The following SYTL2 variants were observed in gnomAD, a reference collection of about 807,000 sequenced individuals.
The protein encoded by SYTL2 is synaptotagmin-like protein 2.
A neutral mutation model predicts 198.7 loss-of-function variants in SYTL2; 165 were observed. The ratio of observed to expected loss-of-function variants is 0.83; its 90% confidence interval spans 0.73 to 0.94. The LOEUF (loss-of-function observed/expected upper bound fraction) is 0.94, where lower values mean the gene tolerates loss of function less well. Among genes scored for constraint, SYTL2 ranks in the 40% least tolerant of loss-of-function variants. SYTL2 has a pLI of 0.00. For synonymous variants in SYTL2, 966 were observed against 917.7 expected (o/e 1.05, Z -0.95); for missense variants, 2,835 against 2,582.8 (o/e 1.10, Z -2.12).
intron 5 of SYTL2, 89 bp from the exon 6 acceptor site, chr11:85,736,704 A>G (rs1446089020): frequency 4.2e-6 from 3 of 715,536 alleles, no homozygotes; most frequent in East Asian, 5.3e-5. Context: ...CAATTTTGAT[A>G]GTTTTATCCC....
Position 85,745,826 on chromosome 11 carries a change from C to G in SYTL2, c.254-54G>C. 5 of 1,556,568 alleles carry G rather than the reference C, an allele frequency of 3.2e-6. No homozygotes were observed. The Admixed American group carries it at 8.5e-5, about 26-fold the overall frequency. ...GGTTATCTCTCACCTCCATGACCTA[C>G]AACTCTCTTATCAGCTCTTATCACT... On this transcript the variant is annotated intron_variant, in intron 3 of 19. Coordinates refer to ENST00000359152, the MANE Select transcript of SYTL2 (RefSeq NM_206927.4).
chr11:85,808,878 T>C (rs1457451074), intron 1 of SYTL2, among the ~76,000 whole-genome samples: 1 of 83,010 alleles, frequency 1.2e-5, no homozygotes, highest in Non-Finnish European at 2.5e-5. Context: ...TAAGTTTTCC[T>C]CTTAATTTAA....
Position 85,734,740 on chromosome 11 carries a change from C to T in SYTL2, c.589G>A (p.Glu197Lys). Residue 197 changes from glutamate (E) to lysine (K), a missense_variant and splice_region_variant, in exon 7 of 20, where the codon GAA (glutamate) becomes AAA (lysine). Around this residue, in one of 3 missense-constraint regions of SYTL2, gnomAD observed 2,645 missense variants for 2,381.7 expected, o/e 1.11. Transcript: ENST00000359152. The part of the protein sequence containing the change: ...TGLFQTSKED[E>K]LSESKEKSTV... ...GACTTTTCTTTTGACTCTGACAATTCATCTGAAAATTAAAACACAGTAGGT... is the reference window on the plus strand; with the variant it reads ...GACTTTTCTTTTGACTCTGACAATTTATCTGAAAATTAAAACACAGTAGGT... The T allele has an allele frequency of 6.2e-7, 1 of 1,608,300 alleles. No individual in the cohort carries two copies.
chr11:85,834,123 A>C, the SYTL2 span, among the ~76,000 whole-genome samples: 1 of 152,282 alleles, frequency 6.6e-6, no homozygotes, highest in South Asian at 2.1e-4. Context: ...ACCATGCACA[A>C]GAGTTCACAG....
At chr11:85,853,175 T>C in the SYTL2 span, 5 of 377,792 alleles carry the variant, frequency 1.3e-5, no homozygotes, top group Admixed American at 6.4e-5. Context: ...CAACAGCTCA[T>C]TGAGAACAGG....
chr11:85,814,526 C>G (rs17817179), upstream of SYTL2, among the ~76,000 whole-genome samples: 40,261 of 152,088 alleles, frequency 0.26, 5,899 homozygotes, highest in South Asian at 0.38. Flanking sequence ...GAACCCCTGT[C>G]TGAACAAGGA....
intron 1 of SYTL2, among the ~76,000 whole-genome samples, chr11:85,775,772 T>C (rs1012648971): frequency 5.3e-5 from 8 of 152,148 alleles, no homozygotes; most frequent in Admixed American, 4.6e-4. Context: ...TAAACCACCA[T>C]GCCCAGCCCA....
chr11:85,789,338 GTGTATATA>G (rs1418432347), intron 1 of SYTL2, among the ~76,000 whole-genome samples: 68 of 27,070 alleles, frequency 2.5e-3, no homozygotes, highest in African/African-American at 4.7e-3. Flanking sequence ...GTGTGTGTGT[GTGTATATA>G]TATATATATA....
Position 85,777,812 on chromosome 11 carries a change from CTTTTT to C in SYTL2, c.-389-19703_-389-19699del, listed in dbSNP as rs57873368. 8.2e-4 allele frequency among the ~76,000 whole-genome samples: 52 copies of C among 63,326 alleles called. 1 individual carries two copies. Among genetic ancestry groups the C allele is most frequent in the Admixed American group, 3.4e-3 (14 of 4,152 alleles). The allele number at this position is 63,326 out of a possible 152,430, so 41.5% of individuals were successfully genotyped here. ...CTTACCAGAATTACAGGTCTTACTT[CTTTTT>C]TTTTTTTTTTTTTTTTTTTTGAGAC... is the stretch of plus-strand genomic sequence containing the variant. On this transcript the variant is annotated intron_variant, in intron 1 of 19. Transcript: ENST00000359152.
At chr11:85,744,715 T>A (rs2091030263) in intron 4 of SYTL2, among the ~76,000 whole-genome samples, 1 of 152,196 alleles carries the variant, frequency 6.6e-6, no homozygotes, top group Non-Finnish European at 1.5e-5. Flanking sequence ...ATCCCACCAG[T>A]AAATTCATCA....
intron 9 of SYTL2, chr11:85,719,229 TTG>T: frequency 8.3e-7 from 1 of 1,206,340 alleles, no homozygotes; most frequent in Admixed American, 3.5e-5. Flanking sequence ...TAACAAATAT[TTG>T]TGTGTGTGCA....
chr11:85,721,536 G>A (rs954013573), intron 8 of SYTL2, among the ~76,000 whole-genome samples: 5 of 151,964 alleles, frequency 3.3e-5, no homozygotes, highest in Non-Finnish European at 7.4e-5. Flanking sequence ...GTTGCGGGAG[G>A]GAGGCCTCTA....
chr11:85,718,955 T>C, intron 9 of SYTL2, 112 bp from the exon 10 acceptor site: 24 of 1,545,806 alleles, frequency 1.6e-5, no homozygotes, highest in Non-Finnish European at 1.9e-5. Flanking sequence ...CAAGATGCAA[T>C]GAGGGGTGCA....
At chr11:85,804,496 G>A (rs1375873291) in intron 1 of SYTL2, among the ~76,000 whole-genome samples, 1 of 152,044 alleles carries the variant, frequency 6.6e-6, no homozygotes, top group Non-Finnish European at 1.5e-5. Context: ...TAAATTATAT[G>A]GGCCTCAATT....
the SYTL2 span, among the ~76,000 whole-genome samples, chr11:85,835,948 G>T: frequency 6.6e-6 from 1 of 152,134 alleles, no homozygotes; most frequent in African/African-American, 2.4e-5. Flanking sequence ...TCAGCCTCTT[G>T]CTATAAATTC....
At chr11:85,732,824 G>T (rs550323398) in intron 7 of SYTL2, among the ~76,000 whole-genome samples, 5 of 152,240 alleles carry the variant, frequency 3.3e-5, no homozygotes, top group African/African-American at 9.6e-5. Flanking sequence ...CTATCATAGG[G>T]TTCGATGCAG....
chr11:85,725,768 T>G lies in SYTL2; in HGVS notation c.3590A>C (p.Lys1197Thr), dbSNP rs760592988. 2 of 1,614,186 alleles carry G rather than the reference T, an allele frequency of 1.2e-6. No individual in the cohort carries two copies. Among genetic ancestry groups the G allele is most frequent in the Admixed American group, 1.7e-5 (1 of 60,026 alleles). The change falls in exon 8 of 20, where the codon AAA becomes ACA. Residue 1197 changes from lysine (K) to threonine (T), a missense_variant. By Grantham distance (78) the Lys-to-Thr change is moderately conservative. Coordinates refer to ENST00000359152, the MANE Select transcript of SYTL2 (RefSeq NM_206927.4). ...PEKIINEHVD[K>T]TVVHPKVKRN... Reference sequence around the variant, plus strand: ...TTTAACCTTTGGATGAACTACTGTTTTGTCAACATGCTCATTAATGATCTT... The same window carrying G: ...TTTAACCTTTGGATGAACTACTGTTGTGTCAACATGCTCATTAATGATCTT...
At position 85,713,111 on chromosome 11, in the gene SYTL2, G is replaced by C. The variant is rs146088444; in HGVS notation, c.5625+1302C>G. ...AAAGAATGAGTGATTCTTTCCAAAGGAAACTGTAACATGTGCTCTTAACCA... is the reference window on the plus strand; with the variant it reads ...AAAGAATGAGTGATTCTTTCCAAAGCAAACTGTAACATGTGCTCTTAACCA... On this transcript the variant is annotated intron_variant, in intron 12 of 19. Transcript: ENST00000359152. Among the ~76,000 whole-genome samples the C allele has an allele frequency of 4.0e-4, 61 of 152,220 alleles. 1 individual carries two copies. In the East Asian group the frequency reaches 0.01, roughly 26 times the overall value.
At chr11:85,811,334 C>T (rs1190171413), upstream of SYTL2, among the ~76,000 whole-genome samples, 2 of 152,152 alleles carry the variant, frequency 1.3e-5, no homozygotes, top group African/African-American at 4.8e-5. Context: ...CTTCGCCCTC[C>T]GCCCCCGCCT....
Sources: gnomAD v4.1 joint callset for allele counts (sites outside exome capture counted in the v4.1 genomes callset) on GRCh38, gnomAD v4.1.1 for gene constraint, gnomAD v4.1.1 regional missense constraint, MANE v1.5 for transcripts, NCBI Gene and HGNC (gene_info 2026-07-23, HGNC 2026-07-21) for gene names.